THSD7B: variants seen among roughly 807,000 people sequenced by gnomAD.
THSD7B encodes the protein thrombospondin type 1 domain containing 7B.
Under a neutral mutation model 213.6 loss-of-function variants are expected in THSD7B, and 138 were observed. The ratio of observed to expected loss-of-function variants is 0.65; its 90% confidence interval spans 0.56 to 0.74. THSD7B has a LOEUF of 0.74. THSD7B is among the 30% of genes least tolerant of loss of function. The pLI, the probability that THSD7B is intolerant of heterozygous loss-of-function variation, is 0.00. For missense variants in THSD7B, 1,931 were observed against 1,991.5 expected (o/e 0.97, Z 0.58); for synonymous variants, 742 against 687.0 (o/e 1.08, Z -1.25).
intron 7 of THSD7B, among the ~76,000 whole-genome samples, chr2:137,195,702 A>G (rs751286735): frequency 2.0e-5 from 3 of 152,174 alleles, no homozygotes; most frequent in Non-Finnish European, 4.4e-5. Flanking sequence ...TCTTGCTTGC[A>G]TTAGAAAGCC....
chr2:137,512,159 C>T (rs1679974432), intron 15 of THSD7B: 1 of 152,100 alleles, frequency 6.6e-6, no homozygotes, highest in Non-Finnish European at 1.5e-5. Context: ...CCCAACCCTA[C>T]TTAGCTTCCA....
chr2:137,288,791 TAATATA>T (rs769662581), intron 12 of THSD7B, among the ~76,000 whole-genome samples: 2 of 111,192 alleles, frequency 1.8e-5, no homozygotes, highest in Non-Finnish European at 3.7e-5. Flanking sequence ...TCTAGAAACA[TAATATA>T]TATATATATA....
chr2:137,168,582 G>A (rs1031736217), intron 6 of THSD7B, among the ~76,000 whole-genome samples: 2 of 152,120 alleles, frequency 1.3e-5, no homozygotes, highest in Non-Finnish European at 1.5e-5. Flanking sequence ...ATGGCAAGAT[G>A]GATGCAACTT....
intron 21 of THSD7B, among the ~76,000 whole-genome samples, chr2:137,646,650 T>TTAG (rs1683037427): frequency 7.7e-6 from 1 of 130,204 alleles, no homozygotes. Context: ...ACACTCCATC[T>TTAG]TAATAATAAT....
intron 3 of THSD7B, among the ~76,000 whole-genome samples, chr2:137,077,654 C>A (rs1437264327): frequency 6.6e-6 from 1 of 151,882 alleles, no homozygotes; most frequent in Non-Finnish European, 1.5e-5. Context: ...TATCCTTCGC[C>A]CACTTTTTGA....
chr2:137,667,656 C>A (rs1340429810), intron 26 of THSD7B, 118 bp from the exon 27 acceptor site: 4 of 732,322 alleles, frequency 5.5e-6, no homozygotes, highest in African/African-American at 5.4e-5. Flanking sequence ...TAAAGTGCTG[C>A]TGTTCAAGTA....
At chr2:137,161,301 TA>T (rs1558942531) in intron 6 of THSD7B, among the ~76,000 whole-genome samples, 1 of 151,934 alleles carries the variant, frequency 6.6e-6, no homozygotes, top group Non-Finnish European at 1.5e-5. Flanking sequence ...ATGACAGTAC[TA>T]AAAAAAATAT....
intron 2 of THSD7B, among the ~76,000 whole-genome samples, chr2:136,941,695 AT>A (rs948692548): frequency 6.0e-5 from 9 of 149,190 alleles, no homozygotes; most frequent in Middle Eastern, 3.2e-3. Context: ...CCACTTTTTG[AT>A]TTTTTTTTCT....
chr2:136,992,601 C>T (rs532878358), intron 2 of THSD7B, among the ~76,000 whole-genome samples: 1 of 152,290 alleles, frequency 6.6e-6, no homozygotes, highest in Non-Finnish European at 1.5e-5. Flanking sequence ...TGAGGGCAGA[C>T]ACTGGGAAGC....
At chr2:137,531,164 G>A (rs1050917111) in intron 15 of THSD7B, among the ~76,000 whole-genome samples, 1 of 151,956 alleles carries the variant, frequency 6.6e-6, no homozygotes, top group Non-Finnish European at 1.5e-5. Flanking sequence ...AGCAGTAAAA[G>A]TTGGCCTTGT....
At chr2:137,154,700 C>T (rs191360938) in intron 5 of THSD7B, among the ~76,000 whole-genome samples, 1 of 152,170 alleles carries the variant, frequency 6.6e-6, no homozygotes, top group East Asian at 1.9e-4. Context: ...AAGAATGATA[C>T]TCATTTTTCT....
intron 12 of THSD7B, among the ~76,000 whole-genome samples, chr2:137,358,498 T>G (rs970824646): frequency 6.6e-5 from 10 of 152,208 alleles, no homozygotes; most frequent in Non-Finnish European, 1.0e-4. Context: ...GGTGGATGTT[T>G]ACATGCCAAA....
At chr2:137,528,057 T>C (rs1024823792) in intron 15 of THSD7B, among the ~76,000 whole-genome samples, 1 of 152,108 alleles carries the variant, frequency 6.6e-6, no homozygotes, top group African/African-American at 2.4e-5. Context: ...GAAATAACAT[T>C]GATACACACT....
chr2:137,140,060 T>C (rs1679550737), intron 5 of THSD7B, among the ~76,000 whole-genome samples: 1 of 151,342 alleles, frequency 6.6e-6, no homozygotes, highest in South Asian at 2.1e-4. Flanking sequence ...TTTGGTTGAA[T>C]GTTGAATGTT....
intron 14 of THSD7B, among the ~76,000 whole-genome samples, chr2:137,440,177 C>T (rs76413823): frequency 0.015 from 2,315 of 152,256 alleles, 65 homozygotes; most frequent in African/African-American, 0.051. Context: ...ACTTGATTGT[C>T]ATGATCCTCT....
chr2:137,313,139 A>G (rs1054033140), intron 12 of THSD7B, among the ~76,000 whole-genome samples: 24 of 152,158 alleles, frequency 1.6e-4, no homozygotes, highest in Middle Eastern at 3.4e-3. Context: ...TATGTGGGAG[A>G]CTAAGTCTCT....
At chr2:136,815,116 A>G (rs573262994) in intron 1 of THSD7B, among the ~76,000 whole-genome samples, 2 of 152,338 alleles carry the variant, frequency 1.3e-5, no homozygotes, top group East Asian at 1.9e-4. Context: ...AATATTTACT[A>G]TCTGGCTGTT....
chr2:137,667,864 A>G lies in THSD7B; in HGVS notation c.4739+3A>G, dbSNP rs770369562. The G allele has an allele frequency of 1.9e-6, 3 of 1,578,062 alleles. No homozygotes were observed. The highest frequency in any genetic ancestry group is 2.3e-5 in the South Asian group (2 of 86,338). Reference sequence around the variant, plus strand: ...ATATTTACTTCCTACCTTGTTTGGTAAGTACTAATTAGTAAAAAGTTTATG... The same window carrying G: ...ATATTTACTTCCTACCTTGTTTGGTGAGTACTAATTAGTAAAAAGTTTATG... On this transcript the variant is annotated splice_donor_region_variant and intron_variant, in intron 27 of 27. Coordinates refer to ENST00000409968, the MANE Select transcript of THSD7B (RefSeq NM_001316349.2).
intron 12 of THSD7B, among the ~76,000 whole-genome samples, chr2:137,377,081 G>A (rs908476795): frequency 1.3e-5 from 2 of 152,124 alleles, no homozygotes; most frequent in Non-Finnish European, 2.9e-5. Context: ...ACACTAAAAT[G>A]CAATTGATTC....
Sources: gnomAD v4.1 joint callset for allele counts (sites outside exome capture counted in the v4.1 genomes callset) on GRCh38, gnomAD v4.1.1 for gene constraint, MANE v1.5 for transcripts, NCBI Gene and HGNC (gene_info 2026-07-23, HGNC 2026-07-21) for gene names.